The following CNGB3 variants were observed in gnomAD, a reference collection of about 807,000 sequenced individuals.
CNGB3 encodes cyclic nucleotide-gated channel beta-3.
CNGB3 carries 86 observed loss-of-function variants against 92.8 expected under a neutral mutation model. That is an observed-to-expected ratio of 0.93 (90% confidence interval 0.78 to 1.11). CNGB3 has a LOEUF of 1.11. CNGB3 is among the 50% of genes least tolerant of loss of function. CNGB3 has a pLI of 0.00. For synonymous variants in CNGB3, 333 were observed against 332.7 expected (o/e 1.00, Z -0.01); for missense variants, 1,026 against 956.8 (o/e 1.07, Z -0.95).
intron 3 of CNGB3, among the ~76,000 whole-genome samples, chr8:86,705,839 T>C (rs1326578234): frequency 6.6e-6 from 1 of 152,190 alleles, no homozygotes; most frequent in African/African-American, 2.4e-5. Flanking sequence ...TTAGTTTAAA[T>C]GATGTGGATT....
chr8:86,588,022 G>A (rs1292526935), intron 15 of CNGB3, among the ~76,000 whole-genome samples: 4 of 143,156 alleles, frequency 2.8e-5, no homozygotes, highest in East Asian at 2.1e-4. Flanking sequence ...CTTGAGCAGC[G>A]GTTTGTAGTT....
chr8:86,743,162 G>T (rs1463599197), intron 1 of CNGB3, among the ~76,000 whole-genome samples: 1 of 152,104 alleles, frequency 6.6e-6, no homozygotes, highest in Non-Finnish European at 1.5e-5. Context: ...TGAAGACCAG[G>T]ATACTTGATG....
At chr8:86,591,637 C>T (rs1822039151) in intron 15 of CNGB3, among the ~76,000 whole-genome samples, 3 of 152,182 alleles carry the variant, frequency 2.0e-5, no homozygotes, top group African/African-American at 4.8e-5. Context: ...AGGGTGCCTC[C>T]CAGTTAGGCT....
rs1026427970 is a variant in CNGB3 at position 86,632,748 on chromosome 8, T to C, written c.1320+4A>G. 5 of 1,612,976 alleles carry C rather than the reference T, an allele frequency of 3.1e-6. No individual in the cohort carries two copies. The African/African-American group carries it at 4.0e-5, about 13-fold the overall frequency. On this transcript the variant is annotated splice_donor_region_variant and intron_variant, in intron 11 of 17. Coordinates refer to ENST00000320005, the MANE Select transcript of CNGB3 (RefSeq NM_019098.5). Reference sequence around the variant, plus strand: ...GTGTATCCAGTGATTCATACTCAGCTTACCTGACCAATTAAACTGGAGAAC... The same window carrying C: ...GTGTATCCAGTGATTCATACTCAGCCTACCTGACCAATTAAACTGGAGAAC...
chr8:86,593,643 A>G, intron 15 of CNGB3: 1 of 507,306 alleles, frequency 2.0e-6, no homozygotes, highest in Non-Finnish European at 3.6e-6. Context: ...GGGGTTCCCC[A>G]CTGAGGTGGA....
chr8:86,695,536 A>G (rs1824433905), intron 3 of CNGB3, among the ~76,000 whole-genome samples: 2 of 151,590 alleles, frequency 1.3e-5, no homozygotes, highest in African/African-American at 4.8e-5. Flanking sequence ...TACGATATCT[A>G]TCTTTCTATG....
intron 14 of CNGB3, among the ~76,000 whole-genome samples, chr8:86,606,468 A>G (rs978472077): frequency 1.3e-5 from 2 of 152,192 alleles, no homozygotes; most frequent in Non-Finnish European, 2.9e-5. Flanking sequence ...AATATTAAGC[A>G]TATATTTATA....
chr8:86,725,746 G>C (rs569017256), intron 3 of CNGB3, among the ~76,000 whole-genome samples: 1 of 152,316 alleles, frequency 6.6e-6, no homozygotes, highest in African/African-American at 2.4e-5. Flanking sequence ...AGGCGGGGTA[G>C]GGTGGAGTGG....
intron 13 of CNGB3, among the ~76,000 whole-genome samples, chr8:86,621,751 C>T (rs1156630887): frequency 6.6e-6 from 1 of 152,138 alleles, no homozygotes; most frequent in Admixed American, 6.6e-5. Flanking sequence ...ATTTTCTATT[C>T]CTGAGTTACT....
At chr8:86,650,464 G>A (rs1360183304) in intron 7 of CNGB3, among the ~76,000 whole-genome samples, 1 of 150,816 alleles carries the variant, frequency 6.6e-6, no homozygotes, top group Non-Finnish European at 1.5e-5. Context: ...ATTCATAATT[G>A]CAAAAAATAT....
At chr8:86,668,217 G>C (rs747554067) in intron 4 of CNGB3, 49 bp from the exon 5 acceptor site, 1 of 1,592,422 alleles carries the variant, frequency 6.3e-7, no homozygotes, top group East Asian at 2.3e-5. Flanking sequence ...GGTTAAGTTA[G>C]TTTAGTTAAA....
At position 86,575,861 on chromosome 8, in the gene CNGB3, A is replaced by G; in HGVS notation, c.2373T>C (p.Ser791=). ...TAAGAACCTCTTCTCCGCCCTCAGCAGAAGGAGCCATGCTGATAATGAGTG... is the reference window on the plus strand; with the variant it reads ...TAAGAACCTCTTCTCCGCCCTCAGCGGAAGGAGCCATGCTGATAATGAGTG... ...RQSLIISMAP[S]AEGGEEVLTI... is the part of the protein sequence containing the mutation. The change falls in exon 18 of 18, where the codon TCT becomes TCC. Residue 791 remains serine, a synonymous_variant. Coordinates refer to ENST00000320005, the MANE Select transcript of CNGB3 (RefSeq NM_019098.5). The G allele has an allele frequency of 6.2e-7, 1 of 1,613,344 alleles. No individual in the cohort carries two copies. The highest frequency in any genetic ancestry group is 8.5e-7 in the Non-Finnish European group (1 of 1,179,832).
chr8:86,732,732 A>T (rs560233415), intron 2 of CNGB3, among the ~76,000 whole-genome samples: 1 of 152,314 alleles, frequency 6.6e-6, no homozygotes, highest in Admixed American at 6.5e-5. Context: ...TTTCTAGACT[A>T]AATTTTCAGA....
intron 15 of CNGB3, among the ~76,000 whole-genome samples, chr8:86,599,293 T>C (rs937088692): frequency 1.3e-5 from 2 of 152,204 alleles, no homozygotes; most frequent in African/African-American, 4.8e-5. Flanking sequence ...AATCTCTTAA[T>C]CTCATCATCT....
chr8:86,646,567 TTAGCAAAGTGTG>T (rs1823294851), intron 8 of CNGB3, among the ~76,000 whole-genome samples: 1 of 151,246 alleles, frequency 6.6e-6, no homozygotes, highest in South Asian at 2.1e-4. Flanking sequence ...ATATAAAGTT[TTAGCAAAGTGTG>T]TAGCCTCAAG....
At chr8:86,694,924 A>G (rs1586021777) in intron 3 of CNGB3, among the ~76,000 whole-genome samples, 1 of 152,142 alleles carries the variant, frequency 6.6e-6, no homozygotes, top group South Asian at 2.1e-4. Flanking sequence ...CTGCAATCTC[A>G]GCACTTTGGG....
At chr8:86,634,678 A>C (rs1307984963) in intron 10 of CNGB3, among the ~76,000 whole-genome samples, 1 of 151,794 alleles carries the variant, frequency 6.6e-6, no homozygotes, top group African/African-American at 2.4e-5. Flanking sequence ...GTACAGACAC[A>C]GAAAAGGAGT....
At chr8:86,741,749 T>TG (rs1307550402) in intron 1 of CNGB3, among the ~76,000 whole-genome samples, 2 of 152,196 alleles carry the variant, frequency 1.3e-5, no homozygotes, top group Admixed American at 6.5e-5. Context: ...TGGAATGGCA[T>TG]GGGATATACC....
At position 86,666,930 on chromosome 8, in the gene CNGB3, T is replaced by TAA; in HGVS notation, c.846_847insTT (p.Ile283LeufsTer2). 1 of 1,611,836 alleles carries TAA rather than the reference T, an allele frequency of 6.2e-7. No individual in the cohort carries two copies. Among genetic ancestry groups the TAA allele is most frequent in the Non-Finnish European group, 8.5e-7 (1 of 1,179,372 alleles). On this transcript the variant is annotated frameshift_variant, in exon 6 of 18. Transcript: ENST00000320005. LOFTEE classifies it high-confidence loss of function. The stretch of plus-strand genomic sequence containing the variant: ...CTTTCCCGAACCCCACTTACTATTA[T>TAA]GTCTCCTCCTCTTACAAACTGGAGT...
Sources: allele counts gnomAD v4.1 joint callset (sites outside exome capture counted in the v4.1 genomes callset), GRCh38; gene constraint gnomAD v4.1.1; transcripts MANE v1.5; gene names NCBI Gene and HGNC (gene_info 2026-07-23, HGNC 2026-07-21).